COG3: variants seen among roughly 807,000 people sequenced by gnomAD.
The protein encoded by COG3 is conserved oligomeric Golgi complex subunit 3.
In COG3, 32 loss-of-function variants were observed where a neutral mutation model predicts 114.1. The observed-to-expected ratio is 0.28, with a 90% CI of 0.21 to 0.38. COG3 has a LOEUF of 0.38. Ranked by LOEUF, COG3 falls within the 10% of genes least tolerant of loss-of-function variation. The pLI, the probability that COG3 is intolerant of heterozygous loss-of-function variation, is 1.00. For missense variants in COG3, 813 were observed against 973.2 expected (o/e 0.84, Z 2.19); for synonymous variants, 352 against 365.7 (o/e 0.96, Z 0.43).
chr13:45,471,835 C>G (rs937654254), intron 1 of COG3, among the ~76,000 whole-genome samples: 1 of 151,846 alleles, frequency 6.6e-6, no homozygotes, highest in African/African-American at 2.4e-5. Flanking sequence ...CAGGTTCAAG[C>G]GACTCTCCTG....
chr13:45,502,584 G>A (rs1166172045), intron 13 of COG3, among the ~76,000 whole-genome samples: 3 of 152,102 alleles, frequency 2.0e-5, no homozygotes, highest in Non-Finnish European at 4.4e-5. Context: ...ACTGGCCTAT[G>A]TGGTAGGGAG....
At chr13:45,484,605 TTTA>T (rs1886458010) in intron 7 of COG3, among the ~76,000 whole-genome samples, 5 of 151,204 alleles carry the variant, frequency 3.3e-5, no homozygotes, top group Non-Finnish European at 7.4e-5. Flanking sequence ...TATTTATTTA[TTTA>T]TTTATTTTTT....
intron 8 of COG3, among the ~76,000 whole-genome samples, chr13:45,490,061 A>G (rs966774050): frequency 6.6e-6 from 1 of 152,154 alleles, no homozygotes; most frequent in African/African-American, 2.4e-5. Context: ...CTATAACATT[A>G]CCAAAATAAT....
At chr13:45,479,270 C>T (rs1031189438) in intron 3 of COG3, among the ~76,000 whole-genome samples, 1 of 152,136 alleles carries the variant, frequency 6.6e-6, no homozygotes, top group Non-Finnish European at 1.5e-5. Flanking sequence ...AAAAGAATTA[C>T]ATTATAATTA....
intron 19 of COG3, 123 bp downstream of exon 19, chr13:45,519,217 G>A: frequency 9.4e-7 from 1 of 1,063,420 alleles, no homozygotes; most frequent in Non-Finnish European, 1.4e-6. Context: ...TAATGATTCT[G>A]TCTAGGAAAT....
Position 45,503,353 on chromosome 13 carries a change from T to A in COG3, c.1594+4T>A, listed in dbSNP as rs771879429. The A allele has an allele frequency of 7.1e-6, 10 of 1,404,824 alleles. No homozygotes were observed. The African/African-American group carries it at 1.3e-4, about 18-fold the overall frequency. 87.0% of individuals were successfully genotyped at this position (1,404,824 alleles called of 1,614,324 possible). A position where few individuals can be genotyped will look rare whatever the true frequency, so the allele number is the denominator to read the frequency against. On this transcript the variant is annotated splice_donor_region_variant and intron_variant, in intron 14 of 22. Coordinates refer to ENST00000349995, the MANE Select transcript of COG3 (RefSeq NM_031431.4). ...TCTAACAGTCTGACAAAATCTGGTA[T>A]GTTATGATGTCTTAACTGCCAGCAT...
intron 17 of COG3, among the ~76,000 whole-genome samples, chr13:45,517,897 AGT>A (rs1277016030): frequency 4.6e-5 from 7 of 152,164 alleles, no homozygotes; most frequent in Admixed American, 2.6e-4. Flanking sequence ...TTTGGTTGAA[AGT>A]GTGTTTTCCT....
At chr13:45,533,146 C>T (rs1409684164) in intron 22 of COG3, among the ~76,000 whole-genome samples, 2 of 151,736 alleles carry the variant, frequency 1.3e-5, no homozygotes, top group Non-Finnish European at 1.5e-5. Context: ...AAGGTCATCA[C>T]CGAGAGGGAG....
intron 14 of COG3, among the ~76,000 whole-genome samples, chr13:45,503,769 T>G (rs1869810446): frequency 6.6e-6 from 1 of 152,156 alleles, no homozygotes; most frequent in Admixed American, 6.5e-5. Context: ...TTGGTATGTT[T>G]GGGCCCAGGT....
At chr13:45,465,374 A>G (rs893989247) in intron 1 of COG3, 164 bp downstream of exon 1, 56 of 1,226,698 alleles carry the variant, frequency 4.6e-5, no homozygotes, top group Non-Finnish European at 5.7e-5. Flanking sequence ...CCAGGCTGTC[A>G]GGCTTCGCTC....
chr13:45,471,047 TTTAA>T (rs1341194571), intron 1 of COG3, among the ~76,000 whole-genome samples: 1 of 152,208 alleles, frequency 6.6e-6, no homozygotes, highest in Non-Finnish European at 1.5e-5. Flanking sequence ...TCTGTACTAC[TTTAA>T]TTAGTCACAG....
At chr13:45,519,826 T>C (rs1871924623) in intron 19 of COG3, among the ~76,000 whole-genome samples, 1 of 152,228 alleles carries the variant, frequency 6.6e-6, no homozygotes. Context: ...GTGGATAGTA[T>C]ATTCTCTCTG....
At chr13:45,482,698 GTA>G (rs1285258017) in intron 6 of COG3, among the ~76,000 whole-genome samples, 2 of 152,134 alleles carry the variant, frequency 1.3e-5, no homozygotes, top group African/African-American at 4.8e-5. Flanking sequence ...GGTGTAAAAA[GTA>G]CTTTTAGCTC....
intron 20 of COG3, among the ~76,000 whole-genome samples, chr13:45,529,278 CT>C (rs1872959230): frequency 6.6e-6 from 1 of 152,010 alleles, no homozygotes; most frequent in Non-Finnish European, 1.5e-5. Flanking sequence ...TTTGTTATAA[CT>C]TTTTGGGATT....
intron 19 of COG3, among the ~76,000 whole-genome samples, chr13:45,524,343 T>C (rs1872480941): frequency 6.6e-6 from 1 of 152,192 alleles, no homozygotes; most frequent in Admixed American, 6.5e-5. Context: ...AACAGTCTTG[T>C]TCAAGCAGCT....
chr13:45,525,695 A>G (rs548536249), intron 20 of COG3, among the ~76,000 whole-genome samples: 6 of 135,382 alleles, frequency 4.4e-5, no homozygotes, highest in African/African-American at 1.7e-4. Flanking sequence ...TAACTTTGTG[A>G]GTTATTTTTG....
chr13:45,479,543 A>G (rs1295992410), intron 3 of COG3, among the ~76,000 whole-genome samples: 3 of 152,182 alleles, frequency 2.0e-5, no homozygotes, highest in Admixed American at 2.0e-4. Context: ...GTTGATGGCT[A>G]TTATTGCTAG....
At chr13:45,517,928 G>A (rs1389290293) in intron 17 of COG3, among the ~76,000 whole-genome samples, 2 of 152,190 alleles carry the variant, frequency 1.3e-5, no homozygotes. Context: ...TACAAAGCCT[G>A]TGTAACTCTA....
At chr13:45,480,436 A>C (rs1346894520) in intron 4 of COG3, 146 bp downstream of exon 4, 2 of 572,184 alleles carry the variant, frequency 3.5e-6, no homozygotes, top group Non-Finnish European at 5.9e-6. Context: ...AGATTGTTAC[A>C]CTGACAGCCT....
Sources: allele counts gnomAD v4.1 joint callset (sites outside exome capture counted in the v4.1 genomes callset), GRCh38; gene constraint gnomAD v4.1.1; transcripts MANE v1.5; gene names NCBI Gene and HGNC (gene_info 2026-07-23, HGNC 2026-07-21).